The following ZNF804B variants were observed in gnomAD, a reference collection of about 807,000 sequenced individuals.
The protein encoded by ZNF804B is zinc finger protein 804B.
ZNF804B carries 80 observed loss-of-function variants against 101.4 expected under a neutral mutation model. The observed-to-expected ratio is 0.79, with a 90% confidence interval of 0.66 to 0.95. The LOEUF is 0.95. Ranked by LOEUF, ZNF804B falls within the 40% of genes least tolerant of loss-of-function variation. ZNF804B has a pLI of 0.00. For synonymous variants in ZNF804B, 622 were observed against 558.8 expected (o/e 1.11, Z -1.59); for missense variants, 1,673 against 1,561.9 (o/e 1.07, Z -1.20).
At chr7:89,328,396 A>G (rs1790928434) in intron 3 of ZNF804B, among the ~76,000 whole-genome samples, 3 of 151,944 alleles carry the variant, frequency 2.0e-5, no homozygotes, top group Admixed American at 1.3e-4. Flanking sequence ...ATGAAAATAC[A>G]TAAAAGATAA....
chr7:88,863,068 C>T lies in ZNF804B; in HGVS notation c.108+102984C>T, dbSNP rs114365659. Reference sequence around the variant, plus strand: ...CAAGGCCCTGCAGTGGTCTAATCCACGCCTCTCCTTCTAGCTTCATCTTGT... The same window carrying T: ...CAAGGCCCTGCAGTGGTCTAATCCATGCCTCTCCTTCTAGCTTCATCTTGT... On this transcript the variant is annotated intron_variant, in intron 1 of 3. Transcript: ENST00000333190. 5.3e-3 allele frequency among the ~76,000 whole-genome samples: 807 copies of T among 152,100 alleles called. 11 individuals are homozygous for T. The highest frequency in any genetic ancestry group is 0.019 in the African/African-American group (771 of 41,520).
At chr7:88,775,688 G>C (rs1790131224) in intron 1 of ZNF804B, among the ~76,000 whole-genome samples, 1 of 152,146 alleles carries the variant, frequency 6.6e-6, no homozygotes, top group South Asian at 2.1e-4. Context: ...GCTCTATAAA[G>C]TTAATTTTCA....
chr7:88,815,722 C>T (rs1562801482), intron 1 of ZNF804B, among the ~76,000 whole-genome samples: 1 of 152,102 alleles, frequency 6.6e-6, no homozygotes, highest in Non-Finnish European at 1.5e-5. Context: ...GGTTCCCACA[C>T]ACCGCACTCG....
intron 1 of ZNF804B, among the ~76,000 whole-genome samples, chr7:88,766,696 T>C (rs1789988658): frequency 6.6e-6 from 1 of 152,218 alleles, no homozygotes; most frequent in Admixed American, 6.5e-5. Context: ...TTTACATTTA[T>C]ATTTTGCTGT....
At chr7:89,000,859 GATATC>G (rs1275348249) in intron 1 of ZNF804B, among the ~76,000 whole-genome samples, 1 of 148,702 alleles carries the variant, frequency 6.7e-6, no homozygotes, top group Non-Finnish European at 1.5e-5. Context: ...TATATAGAGA[GATATC>G]ATATATGATA....
chr7:89,215,914 A>C (rs138259706), intron 1 of ZNF804B, among the ~76,000 whole-genome samples: 2,410 of 150,572 alleles, frequency 0.016, 61 homozygotes, highest in African/African-American at 0.055. Flanking sequence ...TAAATAAATA[A>C]ATAAATAAAT....
chr7:89,067,528 A>C (rs915492305), intron 1 of ZNF804B, among the ~76,000 whole-genome samples: 1 of 152,206 alleles, frequency 6.6e-6, no homozygotes, highest in Admixed American at 6.5e-5. Context: ...AGCCTAGTCT[A>C]GCCCAGCGGA....
At chr7:88,936,101 CT>C (rs111880138) in intron 1 of ZNF804B, among the ~76,000 whole-genome samples, 64,791 of 143,466 alleles carry the variant, frequency 0.45, 14,708 homozygotes, top group East Asian at 0.63. Context: ...ATCTTTCTTC[CT>C]TTTTTTTTTT....
At chr7:89,266,565 A>G (rs1466245426) in intron 2 of ZNF804B, among the ~76,000 whole-genome samples, 1 of 152,214 alleles carries the variant, frequency 6.6e-6, no homozygotes, top group Non-Finnish European at 1.5e-5. Flanking sequence ...TGGCAAGTAC[A>G]GTTCAAGTAA....
chr7:88,792,423 T>G lies in ZNF804B; in HGVS notation c.108+32339T>G, dbSNP rs560984314. 9.8e-5 allele frequency among the ~76,000 whole-genome samples: 15 copies of G among 152,308 alleles called. No homozygotes were observed. The South Asian group carries it at 3.1e-3, about 32-fold the overall frequency. ...TAATATTCCCAAACAAAATTCACCC[T>G]GCTAAAGGAATTCTATCTGATCCAA... On this transcript the variant is annotated intron_variant, in intron 1 of 3. Transcript: ENST00000333190.
chr7:88,782,110 T>C (rs1434053636), intron 1 of ZNF804B, among the ~76,000 whole-genome samples: 1 of 135,692 alleles, frequency 7.4e-6, no homozygotes, highest in Admixed American at 7.1e-5. Context: ...TGCGTGTGTG[T>C]GTGTGTGTGT....
intron 1 of ZNF804B, among the ~76,000 whole-genome samples, chr7:89,208,081 G>GT (rs201597943): frequency 0.21 from 28,307 of 135,124 alleles, 3,716 homozygotes; most frequent in Non-Finnish European, 0.27. Context: ...TATTTTATTG[G>GT]GTTTTTTTTT....
At chr7:88,875,630 T>A (rs1280479836) in intron 1 of ZNF804B, among the ~76,000 whole-genome samples, 2 of 152,000 alleles carry the variant, frequency 1.3e-5, no homozygotes, top group African/African-American at 2.4e-5. Context: ...AATCTCTGAA[T>A]AGACCAATAA....
chr7:88,896,732 T>C (rs1279305038), intron 1 of ZNF804B, among the ~76,000 whole-genome samples: 3 of 152,182 alleles, frequency 2.0e-5, no homozygotes, highest in Non-Finnish European at 2.9e-5. Context: ...GCTAAAGCTA[T>C]AATTGATTTG....
chr7:88,793,495 A>G (rs1034369182), intron 1 of ZNF804B, among the ~76,000 whole-genome samples: 1 of 152,060 alleles, frequency 6.6e-6, no homozygotes, highest in Admixed American at 6.6e-5. Flanking sequence ...TTTTCATTTC[A>G]TTCCGAATAG....
chr7:88,822,077 A>G (rs1400008230), intron 1 of ZNF804B, among the ~76,000 whole-genome samples: 1 of 152,184 alleles, frequency 6.6e-6, no homozygotes, highest in Non-Finnish European at 1.5e-5. Flanking sequence ...CACTGTTTAG[A>G]AAGATTGTGG....
At chr7:89,273,226 A>G (rs1309063) in intron 2 of ZNF804B, among the ~76,000 whole-genome samples, 37,647 of 151,994 alleles carry the variant, frequency 0.25, 4,868 homozygotes, top group Non-Finnish European at 0.27. Flanking sequence ...GACTAAAGCA[A>G]TGACCTCATG....
At chr7:89,004,402 A>G (rs1788340212) in intron 1 of ZNF804B, among the ~76,000 whole-genome samples, 1 of 151,962 alleles carries the variant, frequency 6.6e-6, no homozygotes, top group Non-Finnish European at 1.5e-5. Flanking sequence ...TGCATATAGA[A>G]CAGTTGAATT....
intron 2 of ZNF804B, among the ~76,000 whole-genome samples, chr7:89,281,195 G>A (rs1323010316): frequency 1.3e-5 from 2 of 152,038 alleles, no homozygotes; most frequent in Admixed American, 6.5e-5. Flanking sequence ...AAGTTGGCAT[G>A]GTTATAAATT....
Sources: gnomAD v4.1 joint callset for allele counts (sites outside exome capture counted in the v4.1 genomes callset) on GRCh38, gnomAD v4.1.1 for gene constraint, MANE v1.5 for transcripts, NCBI Gene and HGNC (gene_info 2026-07-23, HGNC 2026-07-21) for gene names.